Variants in VPS13B observed in about 807,000 individuals in gnomAD.
VPS13B encodes the protein intermembrane lipid transfer protein VPS13B.
In VPS13B, 285 loss-of-function variants were observed where a neutral mutation model predicts 426.4. The observed-to-expected ratio is 0.67, with a 90% CI of 0.61 to 0.74. The LOEUF (loss-of-function observed/expected upper bound fraction) is 0.74. Among genes scored for constraint, VPS13B ranks in the 30% least tolerant of loss-of-function variants. The pLI, the probability that VPS13B is intolerant of heterozygous loss-of-function variation, is 0.00. For synonymous variants in VPS13B, 1,676 were observed against 1,676.4 expected (o/e 1.00, Z 0.01); for missense variants, 4,537 against 4,782.6 (o/e 0.95, Z 1.51).
At chr8:99,820,189 C>T (rs774669983) in intron 49 of VPS13B, 67 bp downstream of exon 49, 258 of 1,465,750 alleles carry the variant, frequency 1.8e-4, no homozygotes, top group Middle Eastern at 6.7e-4. Flanking sequence ...TGTAAAGTTG[C>T]GTTTATGATC....
At position 99,498,890 on chromosome 8, in the gene VPS13B, TACAA is replaced by T. The variant is rs371703816; in HGVS notation, c.3871-2793_3871-2790del. Reference sequence around the variant, plus strand: ...GGCCACTTGTTACTGTTGACTTAAGTACAAACAGTGGTCGAAGTGTTTAGCCCTT... The same window carrying T: ...GGCCACTTGTTACTGTTGACTTAAGTACAGTGGTCGAAGTGTTTAGCCCTT... On this transcript the variant is annotated intron_variant, in intron 25 of 61. Coordinates refer to ENST00000357162, the MANE Select transcript of VPS13B (RefSeq NM_152564.5). 6.1e-3 allele frequency among the ~76,000 whole-genome samples: 925 copies of T among 152,290 alleles called. 13 individuals carry two copies. The highest frequency in any genetic ancestry group is 0.021 in the African/African-American group (880 of 41,574).
At chr8:99,219,267 C>T (rs1023795618) in intron 17 of VPS13B, among the ~76,000 whole-genome samples, 8 of 152,162 alleles carry the variant, frequency 5.3e-5, no homozygotes, top group African/African-American at 1.9e-4. Context: ...GTTATGCCCA[C>T]TGAATAGCTG....
chr8:99,871,681 T>C lies in VPS13B; in HGVS notation c.11729T>C (p.Val3910Ala). Residue 3910 changes from valine (V) to alanine (A), a missense_variant, in exon 61 of 62, where the codon GTG becomes GCG. Physicochemically the swap from Val to Ala is moderately conservative, Grantham distance 64. This residue lies in a region of VPS13B where 4,311 missense variants were observed against 4,474.3 expected (regional missense o/e 0.96). Transcript: ENST00000357162. ...ACAGTGCAGCTCAAGCAGCCAAGAGTGGCCTGTGATGTGGAGGTACGTTTC... is the reference window on the plus strand; with the variant it reads ...ACAGTGCAGCTCAAGCAGCCAAGAGCGGCCTGTGATGTGGAGGTACGTTTC... ...LLTVQLKQPR[V>A]ACDVEVDGVR... 1 of 1,613,512 alleles carries C rather than the reference T, an allele frequency of 6.2e-7. No individual in the cohort carries two copies. The highest frequency in any genetic ancestry group is 8.5e-7 in the Non-Finnish European group (1 of 1,179,966).
rs559276155 is a variant in VPS13B at position 99,596,494 on chromosome 8, A to G, written c.5220+18861A>G. 1.1e-4 allele frequency among the ~76,000 whole-genome samples: 17 copies of G among 151,986 alleles called. 1 individual carries two copies. Among genetic ancestry groups the G allele is most frequent in the Admixed American group, 1.1e-3 (17 of 15,234 alleles). On this transcript the variant is annotated intron_variant, in intron 33 of 61. Coordinates refer to ENST00000357162, the MANE Select transcript of VPS13B (RefSeq NM_152564.5). Reference sequence around the variant, plus strand: ...ATAGTGGCTCTGCTCCCTAAGGTCAATCAGAGACCCTGTCTCCTCTCTTGT... The same window carrying G: ...ATAGTGGCTCTGCTCCCTAAGGTCAGTCAGAGACCCTGTCTCCTCTCTTGT...
chr8:99,721,363 A>G (rs1479677618), intron 39 of VPS13B, among the ~76,000 whole-genome samples: 1 of 152,208 alleles, frequency 6.6e-6, no homozygotes. Context: ...AGTGCCTATC[A>G]TGTGTTCACA....
intron 44 of VPS13B, 49 bp downstream of exon 44, chr8:99,809,579 T>C: frequency 1.2e-6 from 2 of 1,607,226 alleles, no homozygotes; most frequent in African/African-American, 2.7e-5. Flanking sequence ...TTATTCAGTG[T>C]AATGGAGATG....
intron 61 of VPS13B, among the ~76,000 whole-genome samples, chr8:99,874,563 C>A (rs1232973934): frequency 1.3e-5 from 2 of 152,066 alleles, no homozygotes; most frequent in African/African-American, 4.8e-5. Context: ...TAGGCAAAAA[C>A]CACGGAAAGT....
intron 5 of VPS13B, among the ~76,000 whole-genome samples, chr8:99,108,872 A>G (rs971710981): frequency 2.0e-5 from 3 of 152,132 alleles, no homozygotes; most frequent in African/African-American, 7.2e-5. Flanking sequence ...TTTGGATAGT[A>G]TGGAAATGAT....
intron 19 of VPS13B, among the ~76,000 whole-genome samples, chr8:99,354,275 T>A (rs1812062379): frequency 1.0e-5 from 1 of 96,934 alleles, no homozygotes; most frequent in African/African-American, 4.6e-5. Context: ...CCTTTTTTTT[T>A]TTTTTTTTTT....
At chr8:99,093,003 A>C (rs1846225527) in intron 3 of VPS13B, among the ~76,000 whole-genome samples, 1 of 151,550 alleles carries the variant, frequency 6.6e-6, no homozygotes, top group African/African-American at 2.4e-5. Flanking sequence ...ATACTTTGGT[A>C]TATTTTATAT....
At chr8:99,874,399 T>C (rs976726913) in intron 61 of VPS13B, among the ~76,000 whole-genome samples, 2 of 152,202 alleles carry the variant, frequency 1.3e-5, no homozygotes, top group African/African-American at 2.4e-5. Context: ...TCCTTACTTA[T>C]TCTTCTAGCA....
chr8:99,050,393 A>C (rs1422752838), intron 3 of VPS13B, among the ~76,000 whole-genome samples: 2 of 152,180 alleles, frequency 1.3e-5, no homozygotes, highest in African/African-American at 2.4e-5. Context: ...CATAGTATTC[A>C]ATCGTGTATA....
At chr8:99,640,128 C>T (rs1469218414) in intron 33 of VPS13B, among the ~76,000 whole-genome samples, 1 of 151,122 alleles carries the variant, frequency 6.6e-6, no homozygotes, top group Admixed American at 6.6e-5. Flanking sequence ...AAGCAATACC[C>T]AGTTACCCAG....
intron 39 of VPS13B, among the ~76,000 whole-genome samples, chr8:99,754,302 T>G (rs1810536257): frequency 1.3e-5 from 2 of 152,178 alleles, no homozygotes; most frequent in African/African-American, 4.8e-5. Flanking sequence ...ATTACCAGAA[T>G]ACATTTTATT....
At chr8:99,439,775 G>A (rs1452594486) in intron 22 of VPS13B, among the ~76,000 whole-genome samples, 1 of 151,946 alleles carries the variant, frequency 6.6e-6, no homozygotes, top group Non-Finnish European at 1.5e-5. Flanking sequence ...TCAGATTAAT[G>A]GGTAAATAAA....
At chr8:99,386,055 G>GAGAAT (rs1814104503) in intron 20 of VPS13B, among the ~76,000 whole-genome samples, 1 of 152,158 alleles carries the variant, frequency 6.6e-6, no homozygotes, top group Non-Finnish European at 1.5e-5. Context: ...GTTTACTCTA[G>GAGAAT]CAGAATATAG....
At chr8:99,145,915 T>C (rs1810700866) in intron 13 of VPS13B, among the ~76,000 whole-genome samples, 1 of 152,216 alleles carries the variant, frequency 6.6e-6, no homozygotes, top group Admixed American at 6.5e-5. Context: ...TACATTACCA[T>C]CCAACGATGA....
At chr8:99,518,767 A>G (rs1184887623) in intron 29 of VPS13B, among the ~76,000 whole-genome samples, 2 of 152,222 alleles carry the variant, frequency 1.3e-5, no homozygotes, top group Non-Finnish European at 2.9e-5. Context: ...GAATATACTG[A>G]AAACAATACA....
chr8:99,608,025 A>G (rs188428985), intron 33 of VPS13B, among the ~76,000 whole-genome samples: 53 of 152,262 alleles, frequency 3.5e-4, no homozygotes, highest in African/African-American at 1.3e-3. Context: ...ATATGGAGAA[A>G]ATACAACCTT....
Sources: allele counts gnomAD v4.1 joint callset (sites outside exome capture counted in the v4.1 genomes callset), GRCh38; gene constraint gnomAD v4.1.1; regional missense constraint gnomAD v4.1.1; transcripts MANE v1.5; gene names NCBI Gene and HGNC (gene_info 2026-07-23, HGNC 2026-07-21).